Variants in UBXN7 observed in about 807,000 individuals in gnomAD.
The protein encoded by UBXN7 is UBX domain protein 7.
UBXN7 carries 9 observed loss-of-function variants against 58.0 expected under a neutral mutation model. The ratio of observed to expected loss-of-function variants is 0.16; its 90% CI spans 0.09 to 0.27. The LOEUF (loss-of-function observed/expected upper bound fraction) is 0.27, where lower values mean the gene tolerates loss of function less well. UBXN7 is among the 10% of genes least tolerant of loss of function. The pLI, the probability that UBXN7 is intolerant of heterozygous loss-of-function variation, is 1.00. For missense variants in UBXN7, 328 were observed against 599.6 expected (o/e 0.55, Z 4.73); for synonymous variants, 208 against 205.0 (o/e 1.01, Z -0.12).
chr3:196,347,869 G>A lies in UBXN7; in HGVS notation c.*8816C>T, dbSNP rs1036713982. The A allele has an allele frequency of 2.3e-4, 4 of 17,046 alleles. No individual in the cohort carries two copies. The highest frequency in any genetic ancestry group is 6.8e-4 in the Admixed American group (1 of 1,476). The allele number at this position is 17,046 out of a possible 1,614,324, so 1.1% of individuals were successfully genotyped here. On this transcript the variant is annotated 3_prime_UTR_variant, in exon 11 of 11. Transcript: ENST00000296328. Reference sequence around the variant, plus strand: ...ACCCCATTGTCCCCCCACCCTCCCCGTTTCAAGTTGCAGTATTAATATAAA... The same window carrying A: ...ACCCCATTGTCCCCCCACCCTCCCCATTTCAAGTTGCAGTATTAATATAAA...
chr3:196,417,723 TTAAAAAAAAAAAAAAAAAA>T (rs1321454628), intron 1 of UBXN7, among the ~76,000 whole-genome samples: 4 of 78,438 alleles, frequency 5.1e-5, no homozygotes, highest in East Asian at 3.9e-4. Context: ...GGCAAAATGG[TTAAAAAAAAAAAAAAAAAA>T]AAAAAAAAAA....
chr3:196,369,569 A>G (rs1728761215), intron 6 of UBXN7, 58 bp from the exon 7 acceptor site: 1 of 1,231,518 alleles, frequency 8.1e-7, no homozygotes, highest in Non-Finnish European at 1.2e-6. Flanking sequence ...ACCAACTATA[A>G]CCTTCTTATA....
Position 196,361,952 on chromosome 3 carries a change from A to C in UBXN7, c.1229-29T>G, listed in dbSNP as rs754335682. The C allele has an allele frequency of 8.8e-6, 14 of 1,589,512 alleles. No individual in the cohort carries two copies. The South Asian group carries it at 9.0e-5, about 10-fold the overall frequency. ...AAGGAAGGGTTTAAAAAAAAAAAAA[A>C]AACGGGATACAGGAGTTTAAGACAG... On this transcript the variant is annotated intron_variant, in intron 9 of 10. Transcript: ENST00000296328.
chr3:196,392,040 G>C (rs1185650578), intron 4 of UBXN7, 115 bp from the exon 5 acceptor site: 1 of 602,228 alleles, frequency 1.7e-6, no homozygotes, highest in Non-Finnish European at 2.7e-6. Flanking sequence ...CAATATGCTT[G>C]ACCTCAAATA....
rs1728535384 is a variant in UBXN7 at position 196,362,593 on chromosome 3, T to G, written c.929A>C (p.Gln310Pro). The G allele has an allele frequency of 6.2e-7, 1 of 1,614,120 alleles. No individual in the cohort carries two copies. Among genetic ancestry groups the G allele is most frequent in the Admixed American group, 1.7e-5 (1 of 60,004 alleles). Residue 310 changes from glutamine (Q) to proline (P), a missense_variant, in exon 9 of 11, where the codon CAG (glutamine) becomes CCG (proline). Around this residue, in one of 4 missense-constraint regions of UBXN7, gnomAD observed 126 missense variants for 302.6 expected, o/e 0.42. Coordinates refer to ENST00000296328, the MANE Select transcript of UBXN7 (RefSeq NM_015562.2). ...AGATTCTTCATCTGAGCGGCTATCCTGTTTTGTCTGTGTTGAATCAAAATG... is the reference window on the plus strand; with the variant it reads ...AGATTCTTCATCTGAGCGGCTATCCGGTTTTGTCTGTGTTGAATCAAAATG... ...ETHFDSTQTK[Q>P]DSRSDEESES...
In UBXN7 at chr3:196,356,404, T is replaced by A. The variant is rs1728350069; in HGVS notation, c.*281A>T. 1 of 303,074 alleles carries A rather than the reference T, an allele frequency of 3.3e-6. No individual in the cohort carries two copies. The allele number at this position is 303,074 out of a possible 1,614,324, so 18.8% of individuals were successfully genotyped here. A position where few individuals can be genotyped will look rare whatever the true frequency, so the allele number is the denominator to read the frequency against. ...CTAGTACTAGGAGAGGTCTTATCCT[T>A]ACACTTCAGTTTGGTCACCAGATTA... is the stretch of plus-strand genomic sequence containing the variant. On this transcript the variant is annotated 3_prime_UTR_variant, in exon 11 of 11. Transcript: ENST00000296328.
chr3:196,380,447 T>TA (rs1001090033), intron 5 of UBXN7, among the ~76,000 whole-genome samples: 2 of 152,208 alleles, frequency 1.3e-5, no homozygotes, highest in Non-Finnish European at 2.9e-5. Context: ...TTTACAGAGC[T>TA]AATCATCCTA....
At chr3:196,408,198 A>G (rs1434550325) in intron 1 of UBXN7, among the ~76,000 whole-genome samples, 2 of 152,096 alleles carry the variant, frequency 1.3e-5, no homozygotes, top group Non-Finnish European at 2.9e-5. Flanking sequence ...AAATCTGGTA[A>G]GAAATGTCAA....
chr3:196,371,043 A>G (rs952710715), intron 6 of UBXN7, among the ~76,000 whole-genome samples: 3 of 152,162 alleles, frequency 2.0e-5, no homozygotes, highest in Non-Finnish European at 2.9e-5. Context: ...GAAAAATGAT[A>G]CAAGGTCTGT....
chr3:196,360,126 A>C (rs767477250), intron 10 of UBXN7, among the ~76,000 whole-genome samples: 3 of 152,214 alleles, frequency 2.0e-5, no homozygotes, highest in African/African-American at 4.8e-5. Context: ...TTGGTTCATG[A>C]GGTTGAAGGA....
intron 5 of UBXN7, among the ~76,000 whole-genome samples, chr3:196,380,123 G>A (rs1029842642): frequency 5.3e-5 from 8 of 152,074 alleles, no homozygotes; most frequent in Admixed American, 3.3e-4. Context: ...GGTGGCGGGC[G>A]CCTGTGGTCC....
rs942747360 is a variant in UBXN7, at chr3:196,349,601, G to A, written c.*7084C>T. 5.3e-5 allele frequency: 8 copies of A among 152,084 alleles called. No homozygotes were observed. Among genetic ancestry groups the A allele is most frequent in the African/African-American group, 7.2e-5 (3 of 41,400 alleles). 9.4% of individuals were successfully genotyped at this position (152,084 alleles called of 1,614,324 possible). A position where few individuals can be genotyped will look rare whatever the true frequency, so the allele number is the denominator to read the frequency against. Reference sequence around the variant, plus strand: ...TGTCATCAAACTGAAATGGACCCTCGTGACGGGCACTATGGAACCAGCTAC... The same window carrying A: ...TGTCATCAAACTGAAATGGACCCTCATGACGGGCACTATGGAACCAGCTAC... On this transcript the variant is annotated 3_prime_UTR_variant, in exon 11 of 11. Transcript: ENST00000296328.
At chr3:196,425,382 T>TAA (rs555731749) in intron 1 of UBXN7, among the ~76,000 whole-genome samples, 15 of 141,112 alleles carry the variant, frequency 1.1e-4, no homozygotes, top group South Asian at 4.4e-4. Flanking sequence ...ACTCTTTCTT[T>TAA]AAAAAAAAAA....
Position 196,361,938 on chromosome 3 carries a change from T to TAA in UBXN7, c.1229-17_1229-16dup, listed in dbSNP as rs368893517. ...TGCTTTTGGTCCTAAAGGAAGGGTT[T>TAA]AAAAAAAAAAAAAAAACGGGATACA... On this transcript the variant is annotated splice_polypyrimidine_tract_variant and intron_variant, in intron 9 of 10. Transcript: ENST00000296328. The TAA allele has an allele frequency of 4.1e-3, 5,695 of 1,396,664 alleles. No homozygotes were observed. Among genetic ancestry groups the TAA allele is most frequent in the African/African-American group, 5.2e-3 (332 of 63,384 alleles). The allele number at this position is 1,396,664 out of a possible 1,614,324, so 86.5% of individuals were successfully genotyped here.
intron 1 of UBXN7, among the ~76,000 whole-genome samples, chr3:196,421,431 A>G (rs1180380955): frequency 2.0e-5 from 3 of 152,170 alleles, no homozygotes; most frequent in Admixed American, 6.5e-5. Context: ...TGAGAGAGTA[A>G]TTTTATGTCT....
At chr3:196,426,385 C>A (rs867737414) in intron 1 of UBXN7, among the ~76,000 whole-genome samples, 366 of 113,942 alleles carry the variant, frequency 3.2e-3, no homozygotes, top group Non-Finnish European at 3.2e-3. Flanking sequence ...GACTTCGTCT[C>A]AAAAAAAAAA....
Position 196,350,036 on chromosome 3 carries a change from T to C in UBXN7, c.*6649A>G, listed in dbSNP as rs1470555774. 1 of 152,194 alleles carries C rather than the reference T, an allele frequency of 6.6e-6. No individual in the cohort carries two copies. The highest frequency in any genetic ancestry group is 1.5e-5 in the Non-Finnish European group (1 of 68,028). The allele number at this position is 152,194 out of a possible 1,614,324, so 9.4% of individuals were successfully genotyped here. A position where few individuals can be genotyped will look rare whatever the true frequency, so the allele number is the denominator to read the frequency against. On this transcript the variant is annotated 3_prime_UTR_variant, in exon 11 of 11. Transcript: ENST00000296328. ...TTTGTTGCCAAAGAATTAAGTACAA[T>C]AATGCGACTTCTCATATTTATAGAT...
At chr3:196,429,077 C>G (rs1440865578) in intron 1 of UBXN7, among the ~76,000 whole-genome samples, 1 of 151,798 alleles carries the variant, frequency 6.6e-6, no homozygotes. Flanking sequence ...CGTGTAATCC[C>G]AGCACTTTGG....
intron 6 of UBXN7, among the ~76,000 whole-genome samples, chr3:196,370,857 CAAAAAA>C (rs11347018): frequency 2.3e-5 from 2 of 86,294 alleles, no homozygotes; most frequent in African/African-American, 4.7e-5. Context: ...CCCATCTCTA[CAAAAAA>C]AAAAAAAAAA....
Sources: gnomAD v4.1 joint callset for allele counts (sites outside exome capture counted in the v4.1 genomes callset) on GRCh38, gnomAD v4.1.1 for gene constraint, gnomAD v4.1.1 regional missense constraint, MANE v1.5 for transcripts, NCBI Gene and HGNC (gene_info 2026-07-23, HGNC 2026-07-21) for gene names.